The following HPSE2 variants were observed in gnomAD, a reference collection of about 807,000 sequenced individuals.
HPSE2 encodes the protein heparanase 2 (inactive).
Under a neutral mutation model 60.5 loss-of-function variants are expected in HPSE2, and 38 were observed. That is an observed-to-expected ratio of 0.63 (90% confidence interval 0.48 to 0.82). The LOEUF (loss-of-function observed/expected upper bound fraction) is 0.82. Ranked by LOEUF, HPSE2 falls within the 40% of genes least tolerant of loss-of-function variation. HPSE2 has a pLI of 0.00. For missense variants in HPSE2, 713 were observed against 740.4 expected, an observed-to-expected ratio of 0.96 and a Z score of 0.43; for synonymous variants, 295 against 293.2, an observed-to-expected ratio of 1.01 and a Z score of -0.06.
chr10:98,708,557 C>T (rs2134212520), intron 5 of HPSE2, among the ~76,000 whole-genome samples: 1 of 151,996 alleles, frequency 6.6e-6, no homozygotes, highest in South Asian at 2.1e-4. Flanking sequence ...AGTTGTTTTA[C>T]CTGACTTTGA....
At chr10:99,244,568 ATTTTTTT>A in the HPSE2 span, among the ~76,000 whole-genome samples, 2 of 73,718 alleles carry the variant, frequency 2.7e-5, no homozygotes, top group African/African-American at 1.2e-4. Context: ...CTATGCCTGG[ATTTTTTT>A]TTTTTTTTTT....
chr10:98,688,635 C>T (rs184508992), intron 6 of HPSE2, among the ~76,000 whole-genome samples: 24 of 151,380 alleles, frequency 1.6e-4, no homozygotes, highest in East Asian at 1.4e-3. Context: ...GCCACCAGCC[C>T]GGCTGATATT....
intron 3 of HPSE2, among the ~76,000 whole-genome samples, chr10:98,821,673 G>T (rs1463887011): frequency 6.6e-6 from 1 of 152,054 alleles, no homozygotes; most frequent in Non-Finnish European, 1.5e-5. Context: ...TCGTGATTTT[G>T]GTGTGCTTTG....
intron 3 of HPSE2, among the ~76,000 whole-genome samples, chr10:99,035,575 T>C (rs889143557): frequency 6.6e-6 from 1 of 152,190 alleles, no homozygotes; most frequent in African/African-American, 2.4e-5. Flanking sequence ...TCATTTATTA[T>C]CATTATCAAG....
intron 3 of HPSE2, among the ~76,000 whole-genome samples, chr10:98,858,322 GCCTGTTAAACAAAAACAAAACC>G (rs1278658448): frequency 6.6e-6 from 1 of 152,290 alleles, no homozygotes. Context: ...GCAATTAGCA[GCCTGTTAAACAAAAACAAAACC>G]CCTGTGAAGC....
intron 2 of HPSE2, among the ~76,000 whole-genome samples, chr10:99,179,942 T>G (rs998134848): frequency 1.3e-5 from 2 of 152,082 alleles, no homozygotes; most frequent in African/African-American, 2.4e-5. Flanking sequence ...AACAGAGGCC[T>G]CAGAAATAAT....
intron 7 of HPSE2, among the ~76,000 whole-genome samples, chr10:98,630,733 A>AAT: frequency 6.6e-6 from 1 of 152,216 alleles, no homozygotes; most frequent in East Asian, 1.9e-4. Context: ...TGCCCTATAG[A>AAT]ATGCTTGACA....
chr10:98,545,185 C>T (rs1463378740), intron 9 of HPSE2, among the ~76,000 whole-genome samples: 3 of 151,892 alleles, frequency 2.0e-5, no homozygotes, highest in African/African-American at 7.3e-5. Context: ...CAAAAAGAGT[C>T]CAGGACCAGA....
intron 3 of HPSE2, among the ~76,000 whole-genome samples, chr10:98,948,827 TAATG>T: frequency 6.6e-6 from 1 of 152,216 alleles, no homozygotes; most frequent in South Asian, 2.1e-4. Context: ...CACTTCTACT[TAATG>T]AATAGTAAAT....
At chr10:99,254,147 C>T in the HPSE2 span, among the ~76,000 whole-genome samples, 1 of 152,128 alleles carries the variant, frequency 6.6e-6, no homozygotes, top group Non-Finnish European at 1.5e-5. Context: ...CAACAGCAAA[C>T]ACATGGAATC....
chr10:98,918,440 C>T (rs1041842823), intron 3 of HPSE2, among the ~76,000 whole-genome samples: 8 of 151,394 alleles, frequency 5.3e-5, no homozygotes, highest in African/African-American at 1.9e-4. Context: ...AAATGTCCAA[C>T]AATGATAGAC....
At chr10:99,291,697 G>A in the HPSE2 span, among the ~76,000 whole-genome samples, 2 of 151,840 alleles carry the variant, frequency 1.3e-5, no homozygotes, top group South Asian at 2.1e-4. Context: ...ATGAAGCCTC[G>A]AGAGAAGAGA....
chr10:98,741,698 T>C (rs1949501787), intron 4 of HPSE2, among the ~76,000 whole-genome samples: 1 of 152,226 alleles, frequency 6.6e-6, no homozygotes, highest in Admixed American at 6.5e-5. Context: ...TGAGATGTTT[T>C]ACAAACCAGT....
chr10:98,762,977 AT>A (rs1950039984), intron 3 of HPSE2, among the ~76,000 whole-genome samples: 1 of 152,146 alleles, frequency 6.6e-6, no homozygotes, highest in Admixed American at 6.6e-5. Flanking sequence ...TTTTAAATGA[AT>A]AAAATATGCC....
intron 3 of HPSE2, among the ~76,000 whole-genome samples, chr10:98,807,180 A>C (rs1951062168): frequency 6.6e-6 from 1 of 152,182 alleles, no homozygotes; most frequent in South Asian, 2.1e-4. Context: ...AATGAATCTC[A>C]AATACGCATC....
rs973982737 is a variant in HPSE2, at chr10:98,459,185, C to G, written c.*389G>C. The G allele has an allele frequency of 3.8e-5, 10 of 263,626 alleles. No homozygotes were observed. In the South Asian group the frequency reaches 4.2e-4, roughly 11 times the overall value. The allele number at this position is 263,626 out of a possible 1,614,324, so 16.3% of individuals were successfully genotyped here. On this transcript the variant is annotated 3_prime_UTR_variant, in exon 12 of 12. Coordinates refer to ENST00000370552, the MANE Select transcript of HPSE2 (RefSeq NM_021828.5). ...CTTCCTCATCTTCCTCTGAGGGCAG[C>G]AGCAGCAGCAGGCTAAGGTTTGGAT...
intron 3 of HPSE2, among the ~76,000 whole-genome samples, chr10:99,009,857 T>C (rs1956972936): frequency 6.6e-6 from 1 of 152,194 alleles, no homozygotes; most frequent in Non-Finnish European, 1.5e-5. Context: ...ATTATCAACA[T>C]CATTTCATAA....
intron 7 of HPSE2, among the ~76,000 whole-genome samples, chr10:98,626,779 T>TC (rs1319098616): frequency 6.6e-6 from 1 of 152,082 alleles, no homozygotes; most frequent in African/African-American, 2.4e-5. Flanking sequence ...TATTTTTCTT[T>TC]TTTTTTTTCT....
Position 98,490,081 on chromosome 10 carries a change from CT to C in HPSE2, c.1435del (p.Arg479GlyfsTer57). On this transcript the variant is annotated frameshift_variant, in exon 10 of 12. Coordinates refer to ENST00000370552, the MANE Select transcript of HPSE2 (RefSeq NM_021828.5). LOFTEE classifies it high-confidence loss of function. ...RPGRVIRDKL[R>X]IYAHCTNHHN... ...GTGGTTTGTGCAGTGAGCATAAATC[CT>C]TAGTTTGTCCCGGATCACTCGGCCA... The C allele has an allele frequency of 6.2e-7, 1 of 1,614,178 alleles. No homozygotes were observed. Among genetic ancestry groups the C allele is most frequent in the Non-Finnish European group, 8.5e-7 (1 of 1,180,046 alleles).
Sources: gnomAD v4.1 joint callset for allele counts (sites outside exome capture counted in the v4.1 genomes callset) on GRCh38, gnomAD v4.1.1 for gene constraint, MANE v1.5 for transcripts, NCBI Gene and HGNC (gene_info 2026-07-23, HGNC 2026-07-21) for gene names.